The following SLC38A1 variants were observed in gnomAD, a reference collection of about 807,000 sequenced individuals.
The protein encoded by SLC38A1 is sodium-coupled neutral amino acid symporter 1.
SLC38A1 carries 18 observed loss-of-function variants against 60.3 expected under a neutral mutation model. That is an observed-to-expected ratio of 0.30 (90% CI 0.21 to 0.44). SLC38A1 has a LOEUF of 0.44. SLC38A1 is among the 20% of genes least tolerant of loss of function. The pLI, the probability that SLC38A1 is intolerant of heterozygous loss-of-function variation, is 1.00. For synonymous variants in SLC38A1, 196 were observed against 212.1 expected (o/e 0.92, Z 0.66); for missense variants, 448 against 587.2 (o/e 0.76, Z 2.45).
Position 46,188,986 on chromosome 12 carries a change from C to T in SLC38A1, c.1448G>A (p.Ser483Asn). Reference protein sequence around the residue: ...VIYDWACSSSSDEGH With the variant: ...VIYDWACSSSNDEGH ...CGGCGGGTTTCAGTGGCCTTCGTCA[C>T]TACTCGATGAGCAGGCCCAGTCATA... Residue 483 changes from serine to asparagine, a missense_variant, in exon 17 of 17, where the codon AGT (serine) becomes AAT (asparagine). Ser to Asn is a conservative substitution (Grantham distance 46). Around this residue, in one of 2 missense-constraint regions of SLC38A1, gnomAD observed 346 missense variants for 497.5 expected, o/e 0.70. Transcript: ENST00000398637. 6.2e-7 allele frequency: 1 copy of T among 1,613,406 alleles called. No homozygotes were observed. The highest frequency in any genetic ancestry group is 8.5e-7 in the Non-Finnish European group (1 of 1,179,772).
rs192647475 is a variant in SLC38A1 at position 46,192,410 on chromosome 12, T to C, written c.1363-3339A>G. 2.9e-4 allele frequency among the ~76,000 whole-genome samples: 44 copies of C among 152,296 alleles called. No individual in the cohort carries two copies. The East Asian group carries it at 6.9e-3, about 24-fold the overall frequency. On this transcript the variant is annotated intron_variant, in intron 16 of 16. Transcript: ENST00000398637. The stretch of plus-strand genomic sequence containing the variant: ...TAAAATTCTCTTTTTTTGTTGTGTC[T>C]CCACCAGGCTTTGATAACAGGATGA...
chr12:46,211,702 C>T (rs1339796904), intron 5 of SLC38A1, among the ~76,000 whole-genome samples: 5 of 152,066 alleles, frequency 3.3e-5, no homozygotes, highest in Non-Finnish European at 7.4e-5. Flanking sequence ...TATCTTCTTC[C>T]CCCCACTTAA....
At chr12:46,260,334 A>G (rs1942159780) in intron 1 of SLC38A1, among the ~76,000 whole-genome samples, 2 of 152,300 alleles carry the variant, frequency 1.3e-5, no homozygotes, top group Non-Finnish European at 1.5e-5. Context: ...GTCAAGTTTC[A>G]TTCTACAAAG....
At chr12:46,211,436 G>A (rs1206093019) in intron 5 of SLC38A1, among the ~76,000 whole-genome samples, 1 of 152,168 alleles carries the variant, frequency 6.6e-6, no homozygotes, top group East Asian at 1.9e-4. Context: ...ATTTACAAAA[G>A]GCCCTAACCC....
At chr12:46,224,828 T>C (rs1030856051) in intron 5 of SLC38A1, among the ~76,000 whole-genome samples, 10 of 152,340 alleles carry the variant, frequency 6.6e-5, no homozygotes, top group East Asian at 1.9e-4. Context: ...TTGTTATCCA[T>C]GAATCTTACA....
At chr12:46,206,896 T>C (rs1271716190) in intron 8 of SLC38A1, among the ~76,000 whole-genome samples, 3 of 152,232 alleles carry the variant, frequency 2.0e-5, no homozygotes, top group Non-Finnish European at 4.4e-5. Flanking sequence ...TAGATATAGA[T>C]TTCAGGCTCT....
At chr12:46,223,132 C>T (rs767337128) in intron 5 of SLC38A1, among the ~76,000 whole-genome samples, 7 of 152,072 alleles carry the variant, frequency 4.6e-5, no homozygotes, top group Non-Finnish European at 7.4e-5. Flanking sequence ...TCACCAAAGG[C>T]GGTATGGTGT....
At chr12:46,266,455 C>T (rs1942356085) in intron 1 of SLC38A1, among the ~76,000 whole-genome samples, 1 of 151,870 alleles carries the variant, frequency 6.6e-6, no homozygotes, top group African/African-American at 2.4e-5. Context: ...CTTGCTGTTC[C>T]TTCTTCCTGT....
intron 1 of SLC38A1, among the ~76,000 whole-genome samples, chr12:46,261,960 A>G (rs74082087): frequency 0.12 from 18,266 of 152,216 alleles, 1,516 homozygotes; most frequent in African/African-American, 0.23. Context: ...GGTAAACATC[A>G]TACAATGCAC....
rs1470580224 is a variant in SLC38A1, at chr12:46,186,114, G to GA, written c.*2855dup. Reference sequence around the variant, plus strand: ...ACCATGGATAACCTGGTCTCTAAAGGAAAATACATTCCAGGTTGCAAACAA... The same window carrying GA: ...ACCATGGATAACCTGGTCTCTAAAGGAAAAATACATTCCAGGTTGCAAACAA... On this transcript the variant is annotated 3_prime_UTR_variant, in exon 17 of 17. Transcript: ENST00000398637. 1 of 152,124 alleles carries GA rather than the reference G, an allele frequency of 6.6e-6. No individual in the cohort carries two copies. The highest frequency in any genetic ancestry group is 2.4e-5 in the African/African-American group (1 of 41,412). 9.4% of individuals were successfully genotyped at this position (152,124 alleles called of 1,614,324 possible). A position where few individuals can be genotyped will look rare whatever the true frequency, so the allele number is the denominator to read the frequency against.
At chr12:46,256,339 AC>A (rs777552822) in intron 1 of SLC38A1, among the ~76,000 whole-genome samples, 7 of 152,116 alleles carry the variant, frequency 4.6e-5, no homozygotes, top group Non-Finnish European at 1.0e-4. Context: ...AAGGCATTAC[AC>A]TTTTTACTTA....
chr12:46,233,311 ACTGTG>A (rs201167261), intron 3 of SLC38A1, among the ~76,000 whole-genome samples: 2,330 of 152,316 alleles, frequency 0.015, 33 homozygotes, highest in South Asian at 0.031. Context: ...GGTGTGAGCC[ACTGTG>A]CTTGACCTAA....
At chr12:46,197,507 A>C (rs1939437170) in intron 16 of SLC38A1, 1 of 379,698 alleles carries the variant, frequency 2.6e-6, no homozygotes, top group African/African-American at 2.2e-5. Flanking sequence ...ACTCCATCTC[A>C]AAAAAAAAGA....
intron 1 of SLC38A1, among the ~76,000 whole-genome samples, chr12:46,248,613 G>A (rs897267205): frequency 2.6e-5 from 4 of 152,048 alleles, no homozygotes; most frequent in Non-Finnish European, 5.9e-5. Flanking sequence ...ACAGATCAAC[G>A]AGACAGAAGG....
chr12:46,202,593 G>T (rs1939710800), intron 12 of SLC38A1, among the ~76,000 whole-genome samples: 1 of 152,082 alleles, frequency 6.6e-6, no homozygotes, highest in Non-Finnish European at 1.5e-5. Flanking sequence ...TGATTTACTA[G>T]CCTTTTCACC....
intron 16 of SLC38A1, among the ~76,000 whole-genome samples, chr12:46,191,192 C>T (rs1341931256): frequency 2.6e-5 from 4 of 152,122 alleles, no homozygotes; most frequent in African/African-American, 9.7e-5. Context: ...AATAGGGAAT[C>T]CTTTCCCCAT....
At chr12:46,225,359 A>C (rs1940821277) in intron 5 of SLC38A1, among the ~76,000 whole-genome samples, 1 of 152,206 alleles carries the variant, frequency 6.6e-6, no homozygotes, top group Admixed American at 6.5e-5. Flanking sequence ...TCCTGGCAAC[A>C]ATCTGAATAT....
At chr12:46,230,850 G>A (rs1941048352) in intron 3 of SLC38A1, among the ~76,000 whole-genome samples, 1 of 152,070 alleles carries the variant, frequency 6.6e-6, no homozygotes, top group Non-Finnish European at 1.5e-5. Flanking sequence ...ACCATTGGTG[G>A]GAACTTAAAT....
intron 5 of SLC38A1, among the ~76,000 whole-genome samples, chr12:46,220,536 C>T (rs574971311): frequency 6.6e-6 from 1 of 152,208 alleles, no homozygotes; most frequent in South Asian, 2.1e-4. Context: ...TCACAAGATC[C>T]AGTTTGGTAT....
Sources: gnomAD v4.1 joint callset for allele counts (sites outside exome capture counted in the v4.1 genomes callset) on GRCh38, gnomAD v4.1.1 for gene constraint, gnomAD v4.1.1 regional missense constraint, MANE v1.5 for transcripts, NCBI Gene and HGNC (gene_info 2026-07-23, HGNC 2026-07-21) for gene names.